NUDC: variants seen among roughly 807,000 people sequenced by gnomAD.
The protein encoded by NUDC is nuclear migration protein nudC.
NUDC carries 14 observed loss-of-function variants against 45.0 expected under a neutral mutation model. The observed-to-expected ratio is 0.31, with a 90% CI of 0.21 to 0.49. The LOEUF (loss-of-function observed/expected upper bound fraction) is 0.49, where lower values mean the gene tolerates loss of function less well. Among genes scored for constraint, NUDC ranks in the 20% least tolerant of loss-of-function variants. The pLI is 0.99. For synonymous variants in NUDC, 153 were observed against 156.7 expected (o/e 0.98, Z 0.17); for missense variants, 323 against 426.2 (o/e 0.76, Z 2.13).
chr1:26,945,735 T>C (rs2082312854), intron 8 of NUDC, 49 bp downstream of exon 8: 2 of 1,335,014 alleles, frequency 1.5e-6, no homozygotes, highest in African/African-American at 2.9e-5. Context: ...CCTGGGGGCT[T>C]AGACTTCGGT....
At chr1:26,939,055 G>A (rs1209915746) in intron 2 of NUDC, among the ~76,000 whole-genome samples, 1 of 152,118 alleles carries the variant, frequency 6.6e-6, no homozygotes, top group South Asian at 2.1e-4. Flanking sequence ...GGCTGGTGGC[G>A]CGATCTCTGC....
At chr1:26,933,634 A>G (rs926442645) in intron 2 of NUDC, among the ~76,000 whole-genome samples, 1 of 150,726 alleles carries the variant, frequency 6.6e-6, no homozygotes, top group Admixed American at 6.6e-5. Flanking sequence ...GGTTGGTCTC[A>G]AACTCCTGAC....
chr1:26,907,602 G>A (rs376656454), intron 2 of NUDC, among the ~76,000 whole-genome samples: 1 of 151,166 alleles, frequency 6.6e-6, no homozygotes, highest in Non-Finnish European at 1.5e-5. Flanking sequence ...CACAGCATGC[G>A]TCAGCTGTCT....
At chr1:26,945,113 C>G in intron 6 of NUDC, 1 of 551,616 alleles carries the variant, frequency 1.8e-6, no homozygotes, top group Non-Finnish European at 3.3e-6. Flanking sequence ...AGACTCAGCC[C>G]GAGTGTCACT....
rs528784223 is a variant in NUDC at position 26,946,367 on chromosome 1, C to A, written c.*186C>A. On this transcript the variant is annotated 3_prime_UTR_variant, in exon 9 of 9. Coordinates refer to ENST00000321265, the MANE Select transcript of NUDC (RefSeq NM_006600.4). ...GACCTTGTCCTCCCCAGTTGGCCTA[C>A]TGTTACACATTAAAACGATTTGCCC... is the stretch of plus-strand genomic sequence containing the variant. 32 of 652,832 alleles carry A rather than the reference C, an allele frequency of 4.9e-5. No individual in the cohort carries two copies. The highest frequency in any genetic ancestry group is 4.3e-4 in the Admixed American group (18 of 42,014). The allele number at this position is 652,832 out of a possible 1,614,324, so 40.4% of individuals were successfully genotyped here.
rs1387066153 is a variant in NUDC at position 26,946,468 on chromosome 1, G to A, written c.*287G>A. On this transcript the variant is annotated 3_prime_UTR_variant, in exon 9 of 9. Transcript: ENST00000321265. ...CTCTTACGGCTGCTGCTGGGAACTG[G>A]GAGTTTGGCTTCTAGCCCAGATTCT... 2.1e-6 allele frequency: 1 copy of A among 469,974 alleles called. No homozygotes were observed. Among genetic ancestry groups the A allele is most frequent in the East Asian group, 4.3e-5 (1 of 23,346 alleles). The allele number at this position is 469,974 out of a possible 1,614,324, so 29.1% of individuals were successfully genotyped here.
intron 1 of NUDC, among the ~76,000 whole-genome samples, chr1:26,901,374 A>G (rs2081977761): frequency 7.2e-6 from 1 of 138,530 alleles, no homozygotes; most frequent in South Asian, 2.4e-4. Context: ...TACAGGTGTG[A>G]GCCACGGTCC....
At chr1:26,919,441 A>G (rs1412618025), upstream of NUDC, among the ~76,000 whole-genome samples, 2 of 152,210 alleles carry the variant, frequency 1.3e-5, no homozygotes, top group African/African-American at 2.4e-5. Flanking sequence ...GATTACAGGC[A>G]TGAGCCTCCG....
chr1:26,920,871 C>T (rs1352254977), upstream of NUDC, among the ~76,000 whole-genome samples: 1 of 151,616 alleles, frequency 6.6e-6, no homozygotes, highest in African/African-American at 2.4e-5. Flanking sequence ...TCCAGGAGTT[C>T]AAGGCTGCCG....
chr1:26,905,390 ACCTCAGGTGATCCTCCTG>A (rs1040766500), intron 2 of NUDC, among the ~76,000 whole-genome samples: 3 of 149,486 alleles, frequency 2.0e-5, no homozygotes, highest in African/African-American at 7.4e-5. Context: ...CGAACTCCAG[ACCTCAGGTGATCCTCCTG>A]CCTCAGCCTC....
chr1:26,935,981 G>T (rs1570737984), intron 2 of NUDC, among the ~76,000 whole-genome samples: 1 of 143,512 alleles, frequency 7.0e-6, no homozygotes, highest in African/African-American at 2.6e-5. Flanking sequence ...AAAATGTTTT[G>T]TTTTTTTTTG....
rs762674817 is a variant in NUDC at position 26,900,362 on chromosome 1, G to A, written c.-139G>A. The A allele has an allele frequency of 2.5e-6, 4 of 1,614,036 alleles. No individual in the cohort carries two copies. In the South Asian group the frequency reaches 4.4e-5, roughly 18 times the overall value. Reference sequence around the variant, plus strand: ...ACTGGCTAAAATAGCTCCGTAAATGGGCCGAGCGCAACACGGAGGGGATAC... The same window carrying A: ...ACTGGCTAAAATAGCTCCGTAAATGAGCCGAGCGCAACACGGAGGGGATAC... On this transcript the variant is annotated 5_prime_UTR_variant, in exon 1 of 7. Coordinates refer to the NUDC transcript ENST00000435827.
At chr1:26,904,632 AT>A (rs990166995) in intron 2 of NUDC, among the ~76,000 whole-genome samples, 2 of 152,078 alleles carry the variant, frequency 1.3e-5, no homozygotes, top group Admixed American at 6.6e-5. Flanking sequence ...GTTTAAGAGC[AT>A]GGGCCCTGAA....
chr1:26,908,859 G>A (rs1191539175), intron 2 of NUDC, among the ~76,000 whole-genome samples: 2 of 149,262 alleles, frequency 1.3e-5, no homozygotes, highest in Admixed American at 6.7e-5. Flanking sequence ...TTCGTGCCTC[G>A]GCCTCCCGAG....
At position 26,913,500 on chromosome 1, in the gene NUDC, C is replaced by T. The variant is rs760626665; in HGVS notation, c.93+2265C>T. ...AGGACTCCAGACAGCATTGAAGCCA[C>T]TGCACCGCAGCCAGGGAGGGCTGGG... On this transcript the variant is annotated intron_variant, in intron 3 of 6. Coordinates refer to the NUDC transcript ENST00000435827. The T allele has an allele frequency of 6.8e-6, 11 of 1,613,692 alleles. No homozygotes were observed. Among genetic ancestry groups the T allele is most frequent in the Non-Finnish European group, 9.3e-6 (11 of 1,179,638 alleles).
At chr1:26,920,636 A>G (rs577362000), upstream of NUDC, among the ~76,000 whole-genome samples, 7 of 151,994 alleles carry the variant, frequency 4.6e-5, no homozygotes, top group Admixed American at 3.9e-4. Context: ...TAATATAAAA[A>G]CAGGGCTGGG....
upstream of NUDC, among the ~76,000 whole-genome samples, chr1:26,921,522 G>A (rs1000522273): frequency 6.6e-6 from 1 of 152,194 alleles, no homozygotes; most frequent in South Asian, 2.1e-4. Flanking sequence ...AAGTCTCCAC[G>A]GCATCGGGTG....
intron 2 of NUDC, among the ~76,000 whole-genome samples, chr1:26,908,365 TC>T (rs1420801627): frequency 6.6e-6 from 1 of 152,122 alleles, no homozygotes; most frequent in Non-Finnish European, 1.5e-5. Flanking sequence ...AAAGCACGAT[TC>T]CCCTTACCAC....
intron 2 of NUDC, among the ~76,000 whole-genome samples, chr1:26,934,453 T>C (rs2082210055): frequency 1.3e-5 from 2 of 152,058 alleles, no homozygotes; most frequent in African/African-American, 4.8e-5. Context: ...AGCCAAACGG[T>C]ATCATTCTGC....
Sources: allele counts gnomAD v4.1 joint callset (sites outside exome capture counted in the v4.1 genomes callset), GRCh38; gene constraint gnomAD v4.1.1; transcripts MANE v1.5; gene names NCBI Gene and HGNC (gene_info 2026-07-23, HGNC 2026-07-21).